The following PDE1A variants were observed in gnomAD, a reference collection of about 807,000 sequenced individuals.
PDE1A encodes dual specificity calcium/calmodulin-dependent 3',5'-cyclic nucleotide phosphodiesterase 1A.
Under a neutral mutation model 61.7 loss-of-function variants are expected in PDE1A, and 35 were observed. That is an observed-to-expected ratio of 0.57 (90% CI 0.43 to 0.75). The LOEUF (loss-of-function observed/expected upper bound fraction) is 0.75, where lower values mean the gene tolerates loss of function less well. Among genes scored for constraint, PDE1A ranks in the 30% least tolerant of loss-of-function variants. PDE1A has a pLI of 0.00. For synonymous variants in PDE1A, 232 were observed against 213.2 expected, an observed-to-expected ratio of 1.09 and a Z score of -0.77; for missense variants, 597 against 630.6, an observed-to-expected ratio of 0.95 and a Z score of 0.57.
intron 1 of PDE1A, among the ~76,000 whole-genome samples, chr2:182,280,706 C>CT (rs1222074358): frequency 6.6e-6 from 1 of 151,768 alleles, no homozygotes; most frequent in Non-Finnish European, 1.5e-5. Flanking sequence ...AATGCCTTCT[C>CT]TTTTTTTCCT....
At chr2:182,219,024 A>T (rs1392624411) in intron 7 of PDE1A, among the ~76,000 whole-genome samples, 1 of 152,066 alleles carries the variant, frequency 6.6e-6, no homozygotes, top group Non-Finnish European at 1.5e-5. Flanking sequence ...CTGTTCCTTT[A>T]AACTAAAATT....
chr2:182,222,566 G>A (rs6744832), intron 7 of PDE1A, among the ~76,000 whole-genome samples: 1,979 of 152,010 alleles, frequency 0.013, 31 homozygotes, highest in African/African-American at 0.045. Context: ...ACAATGTATC[G>A]ATACTGGTTA....
At chr2:182,191,701 C>CT (rs11314814) in intron 10 of PDE1A, among the ~76,000 whole-genome samples, 62 of 139,392 alleles carry the variant, frequency 4.4e-4, no homozygotes, top group South Asian at 1.1e-3. Context: ...CTATATTTAA[C>CT]TTTTTTTTTT....
At chr2:182,612,922 T>C in the PDE1A span, among the ~76,000 whole-genome samples, 1 of 152,220 alleles carries the variant, frequency 6.6e-6, no homozygotes, top group Non-Finnish European at 1.5e-5. Flanking sequence ...ACCAATCTTA[T>C]TCGTTTTTGC....
At chr2:182,608,484 G>C in the PDE1A span, among the ~76,000 whole-genome samples, 3 of 152,188 alleles carry the variant, frequency 2.0e-5, no homozygotes, top group Non-Finnish European at 4.4e-5. Flanking sequence ...GGGAACCTGG[G>C]CTGCGCCAGG....
At chr2:182,264,558 T>C in intron 1 of PDE1A, 144 bp from the exon 2 acceptor site, 1 of 583,658 alleles carries the variant, frequency 1.7e-6, no homozygotes, top group Non-Finnish European at 3.0e-6. Context: ...TTCAGATTTT[T>C]TTTTGATATA....
rs1348409864 is a variant in PDE1A, at chr2:182,171,212, T to A, written c.1517-2922A>T. 2.6e-5 allele frequency among the ~76,000 whole-genome samples: 4 copies of A among 151,968 alleles called. No homozygotes were observed. The South Asian group carries it at 6.2e-4, about 24-fold the overall frequency. ...GATATTTTCTAATTACAAATGTAGG[T>A]CATAGGTACAGTGATTAACATTTTG... On this transcript the variant is annotated intron_variant, in intron 13 of 13. Transcript: ENST00000351439.
intron 2 of PDE1A, among the ~76,000 whole-genome samples, chr2:182,515,944 G>C (rs915746156): frequency 1.7e-4 from 22 of 132,382 alleles, no homozygotes; most frequent in Admixed American, 9.3e-4. Context: ...TTGTGCGTGT[G>C]TGTGTGTTTC....
the PDE1A span, among the ~76,000 whole-genome samples, chr2:182,568,450 G>T: frequency 2.0e-5 from 3 of 151,168 alleles, no homozygotes; most frequent in Non-Finnish European, 3.0e-5. Flanking sequence ...AGGCCAAGGC[G>T]GGCAGATCAC....
At chr2:182,592,923 C>T in the PDE1A span, among the ~76,000 whole-genome samples, 1 of 152,248 alleles carries the variant, frequency 6.6e-6, no homozygotes, top group South Asian at 2.1e-4. Context: ...CATAAAACGA[C>T]GAGGTGACCC....
the PDE1A span, among the ~76,000 whole-genome samples, chr2:182,647,299 G>C: frequency 3.9e-5 from 6 of 152,324 alleles, no homozygotes; most frequent in Non-Finnish European, 8.8e-5. Context: ...TGACAAGATA[G>C]ATTACTGAAT....
At chr2:182,591,254 A>G in the PDE1A span, among the ~76,000 whole-genome samples, 1 of 152,188 alleles carries the variant, frequency 6.6e-6, no homozygotes, top group African/African-American at 2.4e-5. Context: ...CAGGTGTTCT[A>G]TTACAATAAG....
At chr2:182,619,185 T>A in the PDE1A span, among the ~76,000 whole-genome samples, 2 of 152,172 alleles carry the variant, frequency 1.3e-5, no homozygotes, top group African/African-American at 4.8e-5. Context: ...GTATTCAATG[T>A]GATAAGAATG....
chr2:182,461,937 C>T (rs375113815), intron 2 of PDE1A, among the ~76,000 whole-genome samples: 1 of 152,134 alleles, frequency 6.6e-6, no homozygotes, highest in East Asian at 1.9e-4. Context: ...AGAAAAATTT[C>T]TCTTGTGTCT....
intron 7 of PDE1A, among the ~76,000 whole-genome samples, chr2:182,211,303 T>C (rs1421482982): frequency 6.6e-6 from 1 of 152,240 alleles, no homozygotes; most frequent in Non-Finnish European, 1.5e-5. Flanking sequence ...CTTTTACTCC[T>C]TTGTCAAAGA....
intron 2 of PDE1A, among the ~76,000 whole-genome samples, chr2:182,446,422 A>G (rs182198961): frequency 6.2e-4 from 94 of 152,196 alleles, no homozygotes; most frequent in African/African-American, 2.2e-3. Flanking sequence ...ATGGAGATAA[A>G]TTTTACTGCC....
chr2:182,503,647 A>G (rs1412964218), intron 2 of PDE1A, among the ~76,000 whole-genome samples: 1 of 152,052 alleles, frequency 6.6e-6, no homozygotes, highest in Admixed American at 6.5e-5. Flanking sequence ...TATTCACTTC[A>G]TTAAGGTCTT....
the PDE1A span, among the ~76,000 whole-genome samples, chr2:182,551,159 A>G: frequency 6.6e-6 from 1 of 152,220 alleles, no homozygotes; most frequent in Non-Finnish European, 1.5e-5. Flanking sequence ...CTATTATAAA[A>G]TAATAGCTAC....
the PDE1A span, among the ~76,000 whole-genome samples, chr2:182,558,581 T>C: frequency 7.2e-5 from 11 of 152,230 alleles, no homozygotes; most frequent in African/African-American, 2.4e-4. Context: ...TGTCAGTTTT[T>C]TCCTTTCAAC....
Sources: allele counts gnomAD v4.1 joint callset (sites outside exome capture counted in the v4.1 genomes callset), GRCh38; gene constraint gnomAD v4.1.1; transcripts MANE v1.5; gene names NCBI Gene and HGNC (gene_info 2026-07-23, HGNC 2026-07-21).